RERE: variants seen among roughly 807,000 people sequenced by gnomAD.
The protein encoded by RERE is arginine-glutamic acid dipeptide repeats protein.
Under a neutral mutation model 146.1 loss-of-function variants are expected in RERE, and 40 were observed. The ratio of observed to expected loss-of-function variants is 0.27; its 90% confidence interval spans 0.21 to 0.36. The LOEUF is 0.36. Among genes scored for constraint, RERE ranks in the 10% least tolerant of loss-of-function variants. The pLI, the probability that RERE is intolerant of heterozygous loss-of-function variation, is 1.00. For synonymous variants in RERE, 1,003 were observed against 866.0 expected, an observed-to-expected ratio of 1.16 and a Z score of -2.78; for missense variants, 1,933 against 2,138.7, an observed-to-expected ratio of 0.90 and a Z score of 1.90.
chr1:8,398,302 T>C (rs1404937887), intron 12 of RERE, among the ~76,000 whole-genome samples: 1 of 152,176 alleles, frequency 6.6e-6, no homozygotes, highest in Non-Finnish European at 1.5e-5. Context: ...GACCACAGTA[T>C]AAAAGGTCTT....
At chr1:8,619,342 GA>G (rs1646891671) in intron 3 of RERE, among the ~76,000 whole-genome samples, 1 of 152,092 alleles carries the variant, frequency 6.6e-6, no homozygotes, top group Non-Finnish European at 1.5e-5. Context: ...TAACTTTAAG[GA>G]CAATTTTCCA....
At chr1:8,714,936 C>T (rs751226623) in intron 1 of RERE, among the ~76,000 whole-genome samples, 4 of 151,854 alleles carry the variant, frequency 2.6e-5, no homozygotes, top group Non-Finnish European at 5.9e-5. Flanking sequence ...TGCAGTGGAG[C>T]GATCCTGGCT....
At chr1:8,705,977 G>T (rs573717187) in intron 1 of RERE, among the ~76,000 whole-genome samples, 16 of 151,972 alleles carry the variant, frequency 1.1e-4, no homozygotes, top group Non-Finnish European at 1.3e-4. Flanking sequence ...TTAGCCGGGC[G>T]TGGTGGCGGC....
At chr1:8,495,521 G>A (rs1225878007) in intron 9 of RERE, among the ~76,000 whole-genome samples, 7 of 152,034 alleles carry the variant, frequency 4.6e-5, no homozygotes, top group Admixed American at 4.6e-4. Flanking sequence ...AGTGTTGGTC[G>A]GGCTGGTCTC....
At chr1:8,632,454 T>C (rs966627879) in intron 2 of RERE, among the ~76,000 whole-genome samples, 1 of 152,238 alleles carries the variant, frequency 6.6e-6, no homozygotes, top group African/African-American at 2.4e-5. Context: ...TAATTCTTAT[T>C]TGGCAAATGA....
At chr1:8,681,130 A>C (rs747033179) in intron 1 of RERE, among the ~76,000 whole-genome samples, 5 of 152,202 alleles carry the variant, frequency 3.3e-5, no homozygotes, top group Middle Eastern at 3.2e-3. Flanking sequence ...ACGCAAACTG[A>C]AACCATTCAG....
At chr1:8,730,330 T>G (rs1237890374) in intron 1 of RERE, among the ~76,000 whole-genome samples, 6 of 152,248 alleles carry the variant, frequency 3.9e-5, no homozygotes, top group Admixed American at 3.3e-4. Context: ...CATTTGTTTT[T>G]GGGGTTTTTT....
chr1:8,808,219 C>A (rs1352887064), intron 1 of RERE, among the ~76,000 whole-genome samples: 1 of 151,714 alleles, frequency 6.6e-6, no homozygotes, highest in African/African-American at 2.4e-5. Flanking sequence ...TATTAACACC[C>A]CAAACTTCAA....
At chr1:8,635,115 T>C (rs1647081443) in intron 2 of RERE, among the ~76,000 whole-genome samples, 1 of 152,206 alleles carries the variant, frequency 6.6e-6, no homozygotes, top group South Asian at 2.1e-4. Context: ...CATTTTTCCT[T>C]TAAAGATCTT....
intron 10 of RERE, among the ~76,000 whole-genome samples, chr1:8,469,157 A>T (rs1174686695): frequency 3.9e-5 from 6 of 152,184 alleles, no homozygotes; most frequent in Non-Finnish European, 8.8e-5. Flanking sequence ...AAAGAAAAAA[A>T]AAATCGGCCT....
rs117851368 is a variant in RERE, at chr1:8,766,155, G to A, written c.-145+51005C>T. On this transcript the variant is annotated intron_variant, in intron 1 of 22. Coordinates refer to ENST00000400908, the MANE Select transcript of RERE (RefSeq NM_001042681.2). ...GAAAAAACAAACAAAAGATCAAAAG[G>A]ACTACAGCAGTGAAGAACAAAATTT... Among the ~76,000 whole-genome samples the A allele has an allele frequency of 3.9e-4, 60 of 152,138 alleles. No individual in the cohort carries two copies. The East Asian group carries it at 0.012, about 29-fold the overall frequency.
At chr1:8,515,853 C>T (rs751529645) in intron 7 of RERE, among the ~76,000 whole-genome samples, 5 of 152,032 alleles carry the variant, frequency 3.3e-5, no homozygotes, top group Non-Finnish European at 7.4e-5. Context: ...AAGTAATATC[C>T]AGAATAATGC....
At chr1:8,605,730 G>A (rs1646695806) in intron 4 of RERE, among the ~76,000 whole-genome samples, 2 of 94,000 alleles carry the variant, frequency 2.1e-5, no homozygotes, top group African/African-American at 4.6e-5. Context: ...GGGCAACAGA[G>A]CAAGACCCCA....
At chr1:8,623,144 T>C (rs1646936147) in intron 3 of RERE, among the ~76,000 whole-genome samples, 3 of 152,024 alleles carry the variant, frequency 2.0e-5, no homozygotes, top group African/African-American at 7.3e-5. Context: ...TTGAGGAAAA[T>C]AACAAACAAA....
At chr1:8,570,189 T>C (rs559244209) in intron 4 of RERE, among the ~76,000 whole-genome samples, 1 of 151,842 alleles carries the variant, frequency 6.6e-6, no homozygotes, top group Non-Finnish European at 1.5e-5. Context: ...ATACAAAAAT[T>C]AGCTGGGCAT....
At chr1:8,730,266 C>A (rs971796132) in intron 1 of RERE, among the ~76,000 whole-genome samples, 4 of 152,210 alleles carry the variant, frequency 2.6e-5, no homozygotes, top group Non-Finnish European at 5.9e-5. Context: ...TCAAGAGACC[C>A]AGGTTCTAGT....
chr1:8,380,779 T>G (rs1045474985), intron 12 of RERE: 4 of 455,442 alleles, frequency 8.8e-6, no homozygotes, highest in African/African-American at 8.0e-5. Flanking sequence ...ACTTCAGACT[T>G]GAGCCCATAG....
intron 8 of RERE, among the ~76,000 whole-genome samples, chr1:8,504,264 G>A (rs947627256): frequency 5.9e-5 from 9 of 152,086 alleles, no homozygotes; most frequent in Non-Finnish European, 1.2e-4. Context: ...CAATGTATAA[G>A]GTGAGGCAGT....
chr1:8,719,550 A>G (rs1455731578), intron 1 of RERE, among the ~76,000 whole-genome samples: 2 of 152,212 alleles, frequency 1.3e-5, no homozygotes, highest in African/African-American at 4.8e-5. Flanking sequence ...ACACCAAATT[A>G]TACAACATAA....
Sources: allele counts gnomAD v4.1 joint callset (sites outside exome capture counted in the v4.1 genomes callset), GRCh38; gene constraint gnomAD v4.1.1; transcripts MANE v1.5; gene names NCBI Gene and HGNC (gene_info 2026-07-23, HGNC 2026-07-21).